ZNF532: variants seen among roughly 807,000 people sequenced by gnomAD.
ZNF532 encodes zinc finger protein 532.
Under a neutral mutation model 89.3 loss-of-function variants are expected in ZNF532, and 22 were observed. The ratio of observed to expected loss-of-function variants is 0.25; its 90% CI spans 0.18 to 0.35. The LOEUF is 0.35. ZNF532 is among the 10% of genes least tolerant of loss of function. ZNF532 has a pLI of 1.00. For synonymous variants in ZNF532, 606 were observed against 649.6 expected (o/e 0.93, Z 1.02); for missense variants, 1,132 against 1,643.4 (o/e 0.69, Z 5.38).
chr18:58,968,677 A>C (rs1488184365), intron 7 of ZNF532, among the ~76,000 whole-genome samples: 1 of 152,166 alleles, frequency 6.6e-6, no homozygotes, highest in South Asian at 2.1e-4. Flanking sequence ...GGAGTGTCGT[A>C]TCTCTCATGC....
At chr18:58,959,260 G>GTTT (rs1459830009) in intron 7 of ZNF532, among the ~76,000 whole-genome samples, 19 of 128,708 alleles carry the variant, frequency 1.5e-4, no homozygotes, top group African/African-American at 5.3e-4. Flanking sequence ...TTTGTTTTTT[G>GTTT]TTTTTTTTTG....
At chr18:58,910,185 C>G (rs1425726469) in intron 2 of ZNF532, among the ~76,000 whole-genome samples, 1 of 152,184 alleles carries the variant, frequency 6.6e-6, no homozygotes, top group East Asian at 1.9e-4. Flanking sequence ...CTTGTGAAAA[C>G]TAAAAAATTA....
intron 6 of ZNF532, among the ~76,000 whole-genome samples, chr18:58,949,766 G>C (rs2063990119): frequency 6.6e-6 from 1 of 152,204 alleles, no homozygotes; most frequent in Non-Finnish European, 1.5e-5. Flanking sequence ...CTAAGTGCCT[G>C]GATTATGAAT....
chr18:58,879,549 C>T (rs376417609), intron 2 of ZNF532, among the ~76,000 whole-genome samples: 63 of 152,214 alleles, frequency 4.1e-4, no homozygotes, highest in South Asian at 1.2e-3. Context: ...CCACCACGCC[C>T]GGCTAATATT....
chr18:58,899,133 AT>A (rs1346070880), intron 2 of ZNF532, among the ~76,000 whole-genome samples: 2 of 152,170 alleles, frequency 1.3e-5, no homozygotes, highest in Non-Finnish European at 1.5e-5. Flanking sequence ...AGTCCGTGTG[AT>A]TGTTGGTTCT....
At chr18:58,914,091 T>C (rs753155541) in intron 2 of ZNF532, among the ~76,000 whole-genome samples, 2 of 152,192 alleles carry the variant, frequency 1.3e-5, no homozygotes, top group Non-Finnish European at 2.9e-5. Flanking sequence ...AAGGGGTGAA[T>C]AGGTTTTTCT....
Position 58,933,540 on chromosome 18 carries a change from G to A in ZNF532, c.2347-893G>A, listed in dbSNP as rs60467807. Among the ~76,000 whole-genome samples, 616 of 152,276 alleles carry A rather than the reference G, an allele frequency of 4.0e-3. 1 individual carries two copies. Among genetic ancestry groups the A allele is most frequent in the African/African-American group, 0.013 (551 of 41,576 alleles). ...GATGGTAGATAATTTGTGTTTGCACGAATGTCTGAAAGTATTTAAACACAG... is the reference window on the plus strand; with the variant it reads ...GATGGTAGATAATTTGTGTTTGCACAAATGTCTGAAAGTATTTAAACACAG... On this transcript the variant is annotated intron_variant, in intron 3 of 9. Coordinates refer to ENST00000591808, the MANE Select transcript of ZNF532 (RefSeq NM_001375912.1).
intron 6 of ZNF532, among the ~76,000 whole-genome samples, chr18:58,950,788 G>A (rs553633719): frequency 6.6e-6 from 1 of 152,238 alleles, no homozygotes; most frequent in East Asian, 1.9e-4. Context: ...AAAGAAATAA[G>A]TTGTTTCTTT....
chr18:58,954,134 T>TG, intron 7 of ZNF532: 7 of 976,492 alleles, frequency 7.2e-6, no homozygotes, highest in African/African-American at 1.7e-5. Flanking sequence ...TCTATCCTTG[T>TG]GCCAGCTAAG....
At chr18:58,916,720 C>T (rs901673525) in intron 2 of ZNF532, 1 of 985,200 alleles carries the variant, frequency 1.0e-6, no homozygotes, top group Admixed American at 6.2e-5. Context: ...TTGGATGTGT[C>T]CCCAGAGTGA....
At chr18:58,914,442 G>C (rs2060467046) in intron 2 of ZNF532, among the ~76,000 whole-genome samples, 1 of 152,252 alleles carries the variant, frequency 6.6e-6, no homozygotes, top group Admixed American at 6.5e-5. Context: ...AGCACTCTGG[G>C]AGGCCGCGGC....
At chr18:58,928,903 G>A (rs1459929658) in intron 3 of ZNF532, among the ~76,000 whole-genome samples, 3 of 152,198 alleles carry the variant, frequency 2.0e-5, no homozygotes, top group African/African-American at 7.2e-5. Context: ...ATTTTAATGT[G>A]TTGGGATGTC....
intron 3 of ZNF532, among the ~76,000 whole-genome samples, chr18:58,933,787 A>G (rs951532203): frequency 2.6e-5 from 4 of 152,176 alleles, no homozygotes; most frequent in Non-Finnish European, 5.9e-5. Context: ...TTTTATACAT[A>G]ATCAGATTTT....
chr18:58,960,790 T>G (rs1258841364), intron 7 of ZNF532, among the ~76,000 whole-genome samples: 2 of 152,194 alleles, frequency 1.3e-5, no homozygotes, highest in Non-Finnish European at 2.9e-5. Flanking sequence ...GAGAGAAAGC[T>G]TCCATCTTGG....
At chr18:58,913,937 G>T (rs1412052620) in intron 2 of ZNF532, among the ~76,000 whole-genome samples, 1 of 152,196 alleles carries the variant, frequency 6.6e-6, no homozygotes, top group East Asian at 1.9e-4. Context: ...GCATCTTTCT[G>T]TTTCAGGATT....
chr18:58,953,981 T>C, intron 7 of ZNF532, 182 bp downstream of exon 7: 1 of 985,426 alleles, frequency 1.0e-6, no homozygotes, highest in Non-Finnish European at 1.2e-6. Context: ...AATCCTTCAG[T>C]CTTCAGTTTT....
chr18:58,912,115 A>G (rs1033182086), intron 2 of ZNF532, among the ~76,000 whole-genome samples: 3 of 152,040 alleles, frequency 2.0e-5, no homozygotes, highest in African/African-American at 7.2e-5. Context: ...TCACTCCTCT[A>G]TTTCCCAAGG....
intron 6 of ZNF532, 42 bp from the exon 7 acceptor site, chr18:58,953,476 T>C: frequency 6.4e-7 from 1 of 1,554,016 alleles, no homozygotes; most frequent in Non-Finnish European, 8.7e-7. Flanking sequence ...TCTTTTAGTG[T>C]TGTGATTTGT....
At chr18:58,901,958 C>T (rs923980982) in intron 2 of ZNF532, among the ~76,000 whole-genome samples, 3 of 152,172 alleles carry the variant, frequency 2.0e-5, no homozygotes, top group Non-Finnish European at 4.4e-5. Flanking sequence ...GGAGTAGACA[C>T]CTTAACAGCA....
Sources: allele counts gnomAD v4.1 joint callset (sites outside exome capture counted in the v4.1 genomes callset), GRCh38; gene constraint gnomAD v4.1.1; transcripts MANE v1.5; gene names NCBI Gene and HGNC (gene_info 2026-07-23, HGNC 2026-07-21).